The following KIAA1191 variants were observed in gnomAD, a reference collection of about 807,000 sequenced individuals.
KIAA1191 encodes putative monooxygenase p33MONOX.
In KIAA1191, 22 loss-of-function variants were observed where a neutral mutation model predicts 31.1. The observed-to-expected ratio is 0.71, with a 90% confidence interval of 0.51 to 1.01. KIAA1191 has a LOEUF of 1.01. KIAA1191 is among the 50% of genes least tolerant of loss of function. The probability of loss-of-function intolerance (pLI) is 0.00; values close to 1 mark genes in which losing one functional copy is unlikely to be tolerated. For missense variants in KIAA1191, 319 were observed against 388.0 expected (o/e 0.82, Z 1.49); for synonymous variants, 130 against 143.9 (o/e 0.90, Z 0.69).
Position 176,348,277 on chromosome 5 carries a change from G to A in KIAA1191, c.539C>T (p.Pro180Leu), listed in dbSNP as rs376399956. 8.7e-6 allele frequency: 14 copies of A among 1,613,648 alleles called. No individual in the cohort carries two copies. The highest frequency in any genetic ancestry group is 2.7e-5 in the African/African-American group (2 of 74,774). Reference protein sequence around the residue: ...ASAQSTPSTTPHSSPKQRPRG... With the variant: ...ASAQSTPSTTLHSSPKQRPRG... Reference sequence around the variant, plus strand: ...GGGCCTCTGCTTAGGTGAAGAGTGCGGAGTGGTGCTTGGGGTGGACTGGGC... The same window carrying A: ...GGGCCTCTGCTTAGGTGAAGAGTGCAGAGTGGTGCTTGGGGTGGACTGGGC... The change falls in exon 7 of 9, where the codon CCG becomes CTG. Residue 180 changes from proline to leucine, a missense_variant. Transcript: ENST00000298569.
At chr5:176,350,852 A>G in intron 5 of KIAA1191, 115 bp from the exon 6 acceptor site, 1 of 1,286,176 alleles carries the variant, frequency 7.8e-7, no homozygotes, top group Non-Finnish European at 1.1e-6. Flanking sequence ...CTGACCATTC[A>G]AAGAAGAGGA....
At chr5:176,359,066 A>G (rs1662002690) in intron 3 of KIAA1191, among the ~76,000 whole-genome samples, 1 of 142,832 alleles carries the variant, frequency 7.0e-6, no homozygotes, top group South Asian at 2.3e-4. Flanking sequence ...CCTGGGCGAC[A>G]GAGCAAGACT....
rs1767470736 is a variant in KIAA1191, at chr5:176,355,940, G to A, written c.29-191C>T. The A allele has an allele frequency of 1.6e-6, 1 of 620,186 alleles. No individual in the cohort carries two copies. The highest frequency in any genetic ancestry group is 2.9e-6 in the Non-Finnish European group (1 of 350,514). 38.4% of individuals were successfully genotyped at this position (620,186 alleles called of 1,614,324 possible). On this transcript the variant is annotated intron_variant, in intron 3 of 8. Coordinates refer to ENST00000298569, the MANE Select transcript of KIAA1191 (RefSeq NM_020444.5). The surrounding 1 kb of genome is among the most constrained non-coding windows in gnomAD (Gnocchi z 4.2). ...CCCTTCCTCTATGCCTGACACCTTG[G>A]GTGGTCCACTTAACCCACTCAGCCG... is the stretch of plus-strand genomic sequence containing the variant.
chr5:176,350,396 T>C (rs1385294843), intron 6 of KIAA1191, among the ~76,000 whole-genome samples: 4 of 152,210 alleles, frequency 2.6e-5, no homozygotes, highest in African/African-American at 7.2e-5. Context: ...CCTATGTATA[T>C]GTAAGCTGAG....
chr5:176,358,170 A>T (rs1053109311), intron 3 of KIAA1191, among the ~76,000 whole-genome samples: 1 of 152,186 alleles, frequency 6.6e-6, no homozygotes, highest in Non-Finnish European at 1.5e-5. Context: ...CATTTTCATG[A>T]TTAAGTTCAA....
At chr5:176,354,936 A>C (rs906727104) in intron 4 of KIAA1191, among the ~76,000 whole-genome samples, 2 of 107,382 alleles carry the variant, frequency 1.9e-5, no homozygotes, top group African/African-American at 6.4e-5. Flanking sequence ...GCTAAGACTT[A>C]AAGGATACCA....
At chr5:176,359,205 G>A (rs1767775529) in intron 3 of KIAA1191, among the ~76,000 whole-genome samples, 2 of 151,624 alleles carry the variant, frequency 1.3e-5, no homozygotes, top group Admixed American at 6.6e-5. Context: ...TGTAATCCCA[G>A]CTACTGGGGA....
rs1767401152 is a variant in KIAA1191, at chr5:176,355,251, G to A, written c.207+320C>T. On this transcript the variant is annotated intron_variant, in intron 4 of 8. Coordinates refer to ENST00000298569, the MANE Select transcript of KIAA1191 (RefSeq NM_020444.5). The surrounding 1 kb of genome is among the most constrained non-coding windows in gnomAD (Gnocchi z 4.2). ...TGAATTAAAAAGAAAAAAAAAAGGA[G>A]GGAGATTTAAAAAACCATCTATTGG... Among the ~76,000 whole-genome samples the A allele has an allele frequency of 6.6e-6, 1 of 151,944 alleles. No homozygotes were observed. Among genetic ancestry groups the A allele is most frequent in the Non-Finnish European group, 1.5e-5 (1 of 67,996 alleles).
rs1766635346 is a variant in KIAA1191, at chr5:176,347,741, C to T, written c.777G>A (p.Gln259=). Residue 259 remains glutamine, a synonymous_variant, in exon 9 of 9, where the codon CAG becomes CAA. Transcript: ENST00000298569. ...KPSPLELIRA[Q]ANRMAEDPAA... is the part of the protein sequence containing the mutation. ...CTGGATCTTCAGCCATTCGGTTGGC[C>T]TGGGCACGTATCAGTTCCAATGGAG... The T allele has an allele frequency of 6.2e-7, 1 of 1,610,450 alleles. No homozygotes were observed.
Position 176,346,778 on chromosome 5 carries a change from TG to T in KIAA1191, c.*821del, listed in dbSNP as rs1196723212. 1 of 152,232 alleles carries T rather than the reference TG, an allele frequency of 6.6e-6. No homozygotes were observed. The highest frequency in any genetic ancestry group is 1.5e-5 in the Non-Finnish European group (1 of 68,040). The allele number at this position is 152,232 out of a possible 1,614,324, so 9.4% of individuals were successfully genotyped here. A position where few individuals can be genotyped will look rare whatever the true frequency, so the allele number is the denominator to read the frequency against. ...GGTTCAGCCTAGAAAGAGGGGTCCC[TG>T]CCAAGTCTGGCTTTTACCTGTACCC... On this transcript the variant is annotated 3_prime_UTR_variant, in exon 9 of 9. Transcript: ENST00000298569.
At position 176,347,983 on chromosome 5, in the gene KIAA1191, T is replaced by C; in HGVS notation, c.647A>G (p.Asp216Gly). The change falls in exon 8 of 9, where the codon GAC (aspartate) becomes GGC (glycine). Residue 216 changes from aspartate to glycine, a missense_variant. Transcript: ENST00000298569. ...GCTCCACTTATCTGACAAGTTTCTGTCCTTATCCCCACTTCCAGAGTCCAT... is the reference window on the plus strand; with the variant it reads ...GCTCCACTTATCTGACAAGTTTCTGCCCTTATCCCCACTTCCAGAGTCCAT... Reference protein sequence around the residue: ...STMDSGSGDKDRNLSDKWSLF... With the variant: ...STMDSGSGDKGRNLSDKWSLF... 4.3e-6 allele frequency: 7 copies of C among 1,614,130 alleles called. No individual in the cohort carries two copies. Among genetic ancestry groups the C allele is most frequent in the Non-Finnish European group, 5.9e-6 (7 of 1,180,030 alleles).
At chr5:176,356,391 A>G (rs1010761843) in intron 3 of KIAA1191, among the ~76,000 whole-genome samples, 1 of 152,210 alleles carries the variant, frequency 6.6e-6, no homozygotes, top group Non-Finnish European at 1.5e-5. Context: ...GACCTTCCCA[A>G]GTTCATTCAG....
At chr5:176,353,568 A>C (rs975811187) in intron 4 of KIAA1191, 2 of 152,274 alleles carry the variant, frequency 1.3e-5, no homozygotes, top group Non-Finnish European at 2.9e-5. Context: ...AACAGAATTT[A>C]TACCTTTAAG....
At position 176,346,828 on chromosome 5, in the gene KIAA1191, C is replaced by A. The variant is rs1766545431; in HGVS notation, c.*772G>T. On this transcript the variant is annotated 3_prime_UTR_variant, in exon 9 of 9. Transcript: ENST00000298569. ...CCAGGTCCCAAACAAACCTTGGGTC[C>A]CCTAACTGATAAGGCTGGAGCACAG... 6.6e-6 allele frequency: 1 copy of A among 152,320 alleles called. No homozygotes were observed. The highest frequency in any genetic ancestry group is 2.1e-4 in the South Asian group (1 of 4,830). 9.4% of individuals were successfully genotyped at this position (152,320 alleles called of 1,614,324 possible).
rs201858370 is a variant in KIAA1191, at chr5:176,347,618, G to A, written c.900C>T (p.Leu300=). 1.1e-5 allele frequency: 16 copies of A among 1,520,922 alleles called. No homozygotes were observed. In the East Asian group the frequency reaches 3.6e-4, roughly 35 times the overall value. The allele number at this position is 1,520,922 out of a possible 1,614,324, so 94.2% of individuals were successfully genotyped here. A position where few individuals can be genotyped will look rare whatever the true frequency, so the allele number is the denominator to read the frequency against. The stretch of plus-strand genomic sequence containing the variant: ...GAGGGCTCTAGAAGCCAGTGGGTGT[G>A]AGCACATTCAGGTCACGGGGTTTGA... The part of the protein sequence containing the change: ...HNLKPRDLNV[L]TPTGF The change falls in exon 9 of 9, where the codon CTC becomes CTT. Residue 300 remains leucine (L), a synonymous_variant. Transcript: ENST00000298569.
chr5:176,359,613 T>C (rs1767817423), intron 2 of KIAA1191, 46 bp from the exon 3 acceptor site: 5 of 903,514 alleles, frequency 5.5e-6, no homozygotes, highest in Middle Eastern at 4.3e-4. Flanking sequence ...GCAGCACCAA[T>C]GCTGTTCTTC....
chr5:176,348,250 C>T lies in KIAA1191; in HGVS notation c.566G>A (p.Arg189Lys). ...TPHSSPKQRP[R>K]GWFTSGSSTA... ...CGGAAGGGTCACAGGAAGGGCTCAC[C>T]TGGGCCTCTGCTTAGGTGAAGAGTG... is the stretch of plus-strand genomic sequence containing the variant. The change falls in exon 7 of 9, where the codon AGG (arginine) becomes AAG (lysine). Residue 189 changes from arginine (R) to lysine (K), a missense_variant and splice_region_variant. Transcript: ENST00000298569. The T allele has an allele frequency of 6.2e-7, 1 of 1,613,532 alleles. No homozygotes were observed. Among genetic ancestry groups the T allele is most frequent in the East Asian group, 2.2e-5 (1 of 44,870 alleles).
Position 176,348,308 on chromosome 5 carries a change from C to G in KIAA1191, c.508G>C (p.Ala170Pro), listed in dbSNP as rs1212072133. 1.1e-5 allele frequency: 17 copies of G among 1,613,640 alleles called. No individual in the cohort carries two copies. The East Asian group carries it at 1.1e-4, about 11-fold the overall frequency. The stretch of plus-strand genomic sequence containing the variant: ...GTGCTTGGGGTGGACTGGGCTGATG[C>G]AGGCTGCCTCTCTTCTTTTGTTACC... Reference protein sequence around the residue: ...GEVTKEERQPASAQSTPSTTP... With the variant: ...GEVTKEERQPPSAQSTPSTTP... The change falls in exon 7 of 9, where the codon GCA becomes CCA. Residue 170 changes from alanine to proline, a missense_variant. Ala to Pro is a conservative substitution (Grantham distance 27). Transcript: ENST00000298569.
intron 1 of KIAA1191, 110 bp from the exon 2 acceptor site, chr5:176,360,028 G>A (rs771511691): frequency 1.9e-5 from 3 of 156,462 alleles, no homozygotes; most frequent in Non-Finnish European, 2.8e-5. Flanking sequence ...CACAGCAAGC[G>A]GCTAGATACT....
Sources: gnomAD v4.1 joint callset for allele counts (sites outside exome capture counted in the v4.1 genomes callset) on GRCh38, gnomAD v4.1.1 for gene constraint, Gnocchi (gnomAD v3.1) non-coding constraint, MANE v1.5 for transcripts, NCBI Gene and HGNC (gene_info 2026-07-23, HGNC 2026-07-21) for gene names.